CYP4A11: variants seen among roughly 807,000 people sequenced by gnomAD.
CYP4A11 encodes cytochrome P450 family 4 subfamily A member 11.
CYP4A11 carries 52 observed loss-of-function variants against 57.7 expected under a neutral mutation model. The observed-to-expected ratio is 0.90, with a 90% CI of 0.72 to 1.14. CYP4A11 has a LOEUF of 1.14. Among genes scored for constraint, CYP4A11 ranks in the 50% most tolerant of loss-of-function variants. CYP4A11 has a pLI of 0.00. For missense variants in CYP4A11, 641 were observed against 642.1 expected (o/e 1.00, Z 0.02); for synonymous variants, 228 against 247.1 (o/e 0.92, Z 0.72).
At chr1:46,937,783 G>A (rs1227140482) in intron 2 of CYP4A11, among the ~76,000 whole-genome samples, 4 of 151,654 alleles carry the variant, frequency 2.6e-5, no homozygotes, top group Non-Finnish European at 5.9e-5. Context: ...ATAGAAAAAA[G>A]AATAGAAAAT....
chr1:46,938,652 A>G (rs1681567954), intron 1 of CYP4A11, among the ~76,000 whole-genome samples: 1 of 152,232 alleles, frequency 6.6e-6, no homozygotes, highest in African/African-American at 2.4e-5. Flanking sequence ...AATTGTGTGC[A>G]TAATAGTATT....
intron 1 of CYP4A11, 77 bp downstream of exon 1, chr1:46,941,162 T>C: frequency 1.3e-6 from 2 of 1,546,584 alleles, no homozygotes; most frequent in African/African-American, 1.4e-5. Context: ...AAGGCTTTGC[T>C]CTATGGATTT....
intron 1 of CYP4A11, among the ~76,000 whole-genome samples, chr1:46,939,867 C>T (rs9332988): frequency 2.1e-5 from 3 of 145,052 alleles, no homozygotes; most frequent in South Asian, 2.4e-4. Context: ...GGAAAGAAGG[C>T]AGAGTGGTAT....
intron 2 of CYP4A11, 78 bp downstream of exon 2, chr1:46,937,918 C>CT (rs1681513362): frequency 6.3e-7 from 1 of 1,585,744 alleles, no homozygotes; most frequent in Non-Finnish European, 8.6e-7. Flanking sequence ...CAGCCACTCT[C>CT]TTCTGGAATT....
chr1:46,938,511 A>C (rs1055607999), intron 1 of CYP4A11, among the ~76,000 whole-genome samples: 2 of 152,270 alleles, frequency 1.3e-5, no homozygotes, highest in African/African-American at 4.8e-5. Context: ...AAACATTTTA[A>C]ATTACACAAT....
Position 46,939,797 on chromosome 1 carries a change from G to A in CYP4A11, c.195+1442C>T, listed in dbSNP as rs1281937801. ...AGCATAGTGTGATCAGAGACCTAAA[G>A]GTTGAAATGCAGAGGCAGGTAGTGA... is the stretch of plus-strand genomic sequence containing the variant. On this transcript the variant is annotated intron_variant, in intron 1 of 11. Transcript: ENST00000310638. Among the ~76,000 whole-genome samples, 3 of 145,364 alleles carry A rather than the reference G, an allele frequency of 2.1e-5. 1 individual carries two copies. The highest frequency in any genetic ancestry group is 4.5e-5 in the Non-Finnish European group (3 of 66,470).
chr1:46,930,387 C>T (rs1570045259), intron 11 of CYP4A11, 77 bp from the exon 12 acceptor site: 1 of 1,511,820 alleles, frequency 6.6e-7, no homozygotes, highest in East Asian at 2.3e-5. Flanking sequence ...GGCCCCTGAC[C>T]CCAGCCCTGA....
intron 1 of CYP4A11, chr1:46,940,613 C>T: frequency 1.0e-6 from 1 of 955,216 alleles, no homozygotes; most frequent in Non-Finnish European, 1.2e-6. Flanking sequence ...CATGTGTACC[C>T]ATAATTGTCA....
chr1:46,936,447 C>T (rs1681393783), intron 4 of CYP4A11, among the ~76,000 whole-genome samples: 1 of 152,212 alleles, frequency 6.6e-6, no homozygotes, highest in South Asian at 2.1e-4. Flanking sequence ...ATCTCTATTC[C>T]TATGGTGGGG....
At chr1:46,937,946 T>C (rs780366849) in intron 2 of CYP4A11, 50 bp downstream of exon 2, 1 of 1,606,980 alleles carries the variant, frequency 6.2e-7, no homozygotes. Flanking sequence ...CCCAGGAGCA[T>C]GTGTCAAGAG....
intron 9 of CYP4A11, 106 bp downstream of exon 9, chr1:46,933,839 CA>C: frequency 6.7e-7 from 1 of 1,497,730 alleles, no homozygotes; most frequent in Non-Finnish European, 8.9e-7. Flanking sequence ...TTTTTTAGAA[CA>C]AAAGGGAGAC....
chr1:46,941,177 A>C, intron 1 of CYP4A11, 62 bp downstream of exon 1: 1 of 1,557,492 alleles, frequency 6.4e-7, no homozygotes, highest in Non-Finnish European at 8.7e-7. Context: ...GGATTTTGTG[A>C]CCAGGGTCTC....
At chr1:46,934,869 A>G in intron 6 of CYP4A11, 131 bp downstream of exon 6, 1 of 1,465,144 alleles carries the variant, frequency 6.8e-7, no homozygotes, top group Non-Finnish European at 9.1e-7. Context: ...GCCCCTGAGC[A>G]AGGGAATTCC....
intron 5 of CYP4A11, 42 bp from the exon 6 acceptor site, chr1:46,935,196 C>G (rs753758860): frequency 3.1e-6 from 5 of 1,588,838 alleles, no homozygotes; most frequent in Non-Finnish European, 4.3e-6. Context: ...AGGGGTGGGC[C>G]CATTACCCGG....
chr1:46,934,830 G>T (rs916217290), intron 6 of CYP4A11, among the ~76,000 whole-genome samples, 170 bp downstream of exon 6: 1 of 152,206 alleles, frequency 6.6e-6, no homozygotes, highest in Admixed American at 6.5e-5. Flanking sequence ...CCAAGGCACA[G>T]AATCTGGCCC....
At position 46,935,022 on chromosome 1, in the gene CYP4A11, G is replaced by T. The variant is rs1681290130; in HGVS notation, c.768C>A (p.Cys256Ter). The part of the protein sequence containing the change: ...TSAGRWTHRA[C>*]QLAHQHTDQV... ...AACCTGTGTGCTGATGGGCCAGCTGGCAGGCGCGGTGTGTCCAGCGGCCAG... is the reference window on the plus strand; with the variant it reads ...AACCTGTGTGCTGATGGGCCAGCTGTCAGGCGCGGTGTGTCCAGCGGCCAG... Residue 256 changes from cysteine (C) to a stop codon, truncating the protein, a stop_gained, in exon 6 of 12, where the codon TGC (cysteine) becomes TGA (stop). Coordinates refer to ENST00000310638, the MANE Select transcript of CYP4A11 (RefSeq NM_000778.4). LOFTEE classifies it high-confidence loss of function. 2.5e-6 allele frequency: 4 copies of T among 1,614,022 alleles called. No homozygotes were observed. Among genetic ancestry groups the T allele is most frequent in the Non-Finnish European group, 3.4e-6 (4 of 1,179,946 alleles).
At chr1:46,935,738 T>G in intron 4 of CYP4A11, 91 bp from the exon 5 acceptor site, 3 of 1,554,642 alleles carry the variant, frequency 1.9e-6, no homozygotes, top group Non-Finnish European at 2.6e-6. Flanking sequence ...AGATATCCTG[T>G]TTTTTCCTGT....
At position 46,930,175 on chromosome 1, in the gene CYP4A11, A is replaced by G. The variant is rs1680927337; in HGVS notation, c.1500T>C (p.Asn500=). Residue 500 remains asparagine, a synonymous_variant, in exon 12 of 12, where the codon AAT becomes AAC. Transcript: ENST00000310638. ...GCCTCCTGAGACGCAGGTGGATTCC[A>G]TTTTTGGATTTCAACACAAGTCGTG... ...PIARLVLKSK[N]GIHLRLRRLP... 1.2e-6 allele frequency: 2 copies of G among 1,613,988 alleles called. No homozygotes were observed. The highest frequency in any genetic ancestry group is 2.2e-5 in the East Asian group (1 of 44,872).
chr1:46,931,881 G>T (rs917006144), intron 11 of CYP4A11: 16 of 956,248 alleles, frequency 1.7e-5, no homozygotes, highest in Non-Finnish European at 1.9e-5. Context: ...GATCTCCACC[G>T]CAACCATTCT....
Sources: gnomAD v4.1 joint callset for allele counts (sites outside exome capture counted in the v4.1 genomes callset) on GRCh38, gnomAD v4.1.1 for gene constraint, MANE v1.5 for transcripts, NCBI Gene and HGNC (gene_info 2026-07-23, HGNC 2026-07-21) for gene names.